PPP6C: variants seen among roughly 807,000 people sequenced by gnomAD.
The protein encoded by PPP6C is protein phosphatase 6 catalytic subunit, also known as serine/threonine-protein phosphatase 6 catalytic subunit.
In PPP6C, 11 loss-of-function variants were observed where a neutral mutation model predicts 39.8. The observed-to-expected ratio is 0.28, with a 90% CI of 0.17 to 0.46. The LOEUF (loss-of-function observed/expected upper bound fraction) is 0.46. PPP6C is among the 20% of genes least tolerant of loss of function. The pLI is 1.00. For missense variants in PPP6C, 211 were observed against 373.9 expected, an observed-to-expected ratio of 0.56 and a Z score of 3.59; for synonymous variants, 129 against 130.3, an observed-to-expected ratio of 0.99 and a Z score of 0.07.
In PPP6C at chr9:125,146,860, A is replaced by G. The variant is rs908747873; in HGVS notation, c.*2813T>C. On this transcript the variant is annotated 3_prime_UTR_variant, in exon 7 of 7. Transcript: ENST00000373547. ...AAAGTGATTCTATTTCTGACAATGA[A>G]AGAGGCTCAGAAAGAGTCCTAATTT... 2.0e-5 allele frequency: 3 copies of G among 152,226 alleles called. No homozygotes were observed. Among genetic ancestry groups the G allele is most frequent in the Non-Finnish European group, 4.4e-5 (3 of 68,034 alleles). 9.4% of individuals were successfully genotyped at this position (152,226 alleles called of 1,614,324 possible).
At chr9:125,158,216 G>A in intron 4 of PPP6C, 25 bp downstream of exon 4, 1 of 1,573,924 alleles carries the variant, frequency 6.4e-7, no homozygotes. Flanking sequence ...ATAATATTCA[G>A]AATCAGAGAA....
chr9:125,158,786 T>C (rs552682296), intron 3 of PPP6C, among the ~76,000 whole-genome samples: 3 of 152,028 alleles, frequency 2.0e-5, no homozygotes, highest in South Asian at 2.1e-4. Context: ...CTCAGACTCC[T>C]GAGTAGCTGG....
intron 2 of PPP6C, among the ~76,000 whole-genome samples, chr9:125,167,835 G>C (rs1484314414): frequency 3.0e-4 from 15 of 50,752 alleles, no homozygotes; most frequent in African/African-American, 7.0e-4. Flanking sequence ...GAGATGGGGG[G>C]GGGGGGGGGG....
chr9:125,189,564 G>T, intron 1 of PPP6C, 80 bp downstream of exon 1: 2 of 1,598,656 alleles, frequency 1.3e-6, no homozygotes, highest in Non-Finnish European at 1.7e-6. Context: ...CTGGATACCC[G>T]GCGGGGGTCC....
chr9:125,159,114 C>T (rs1828787864), intron 3 of PPP6C, among the ~76,000 whole-genome samples: 1 of 149,180 alleles, frequency 6.7e-6, no homozygotes, highest in South Asian at 2.1e-4. Flanking sequence ...TCTTGGCTCA[C>T]TGCAACCTCC....
intron 1 of PPP6C, chr9:125,189,094 G>A (rs1829602660): frequency 1.7e-6 from 1 of 603,238 alleles, no homozygotes; most frequent in Non-Finnish European, 2.9e-6. Flanking sequence ...CAATTTGGAG[G>A]AGTGGCAATG....
In PPP6C at chr9:125,147,409, T is replaced by C. The variant is rs1835836477; in HGVS notation, c.*2264A>G. 2 of 152,134 alleles carry C rather than the reference T, an allele frequency of 1.3e-5. No homozygotes were observed. The highest frequency in any genetic ancestry group is 4.8e-5 in the African/African-American group (2 of 41,554). 9.4% of individuals were successfully genotyped at this position (152,134 alleles called of 1,614,324 possible). ...TATCTTCCACCACATGATAACTCTA[T>C]ATAGTACATATAGTACATAGCCCTT... On this transcript the variant is annotated 3_prime_UTR_variant, in exon 7 of 7. Transcript: ENST00000373547.
At chr9:125,151,731 T>C (rs1246632964) in intron 6 of PPP6C, 5 of 392,156 alleles carry the variant, frequency 1.3e-5, no homozygotes, top group African/African-American at 4.1e-5. Flanking sequence ...TATCTGAGCT[T>C]ATCCGAAATG....
In PPP6C at chr9:125,147,646, G is replaced by C. The variant is rs1324057572; in HGVS notation, c.*2027C>G. 6.6e-6 allele frequency: 1 copy of C among 152,094 alleles called. No homozygotes were observed. Among genetic ancestry groups the C allele is most frequent in the African/African-American group, 2.4e-5 (1 of 41,418 alleles). 9.4% of individuals were successfully genotyped at this position (152,094 alleles called of 1,614,324 possible). A position where few individuals can be genotyped will look rare whatever the true frequency, so the allele number is the denominator to read the frequency against. On this transcript the variant is annotated 3_prime_UTR_variant, in exon 7 of 7. Transcript: ENST00000373547. ...GCCCAACTAGTGACAAACAAATGCA[G>C]TACACAATGACTTAAAAATAAAAGT...
rs1168730026 is a variant in PPP6C, at chr9:125,186,938, C to CTTTTTTTTTTT, written c.75+2695_75+2705dup. Among the ~76,000 whole-genome samples the CTTTTTTTTTTT allele has an allele frequency of 3.0e-4, 25 of 83,668 alleles. 1 individual carries two copies. Among genetic ancestry groups the CTTTTTTTTTTT allele is most frequent in the African/African-American group, 1.0e-3 (20 of 19,826 alleles). The allele number at this position is 83,668 out of a possible 152,430, so 54.9% of individuals were successfully genotyped here. Reference sequence around the variant, plus strand: ...AAAGAAGTCCAACAGATTTTTCTTTCTTTTTTTTTTTTTTTTTTTTTTTGG... The same window carrying CTTTTTTTTTTT: ...AAAGAAGTCCAACAGATTTTTCTTTCTTTTTTTTTTTTTTTTTTTTTTTTTTTTTTTTTTGG... On this transcript the variant is annotated intron_variant, in intron 1 of 6. Coordinates refer to ENST00000373547, the MANE Select transcript of PPP6C (RefSeq NM_002721.5).
intron 2 of PPP6C, among the ~76,000 whole-genome samples, chr9:125,169,405 G>A (rs1588286515): frequency 1.3e-5 from 2 of 152,284 alleles, no homozygotes; most frequent in Admixed American, 6.5e-5. Flanking sequence ...TTAGTAGTTC[G>A]AGGTTGGTCT....
chr9:125,153,830 G>A, intron 5 of PPP6C, 76 bp downstream of exon 5: 1 of 1,526,176 alleles, frequency 6.6e-7, no homozygotes. Context: ...CAATATAATT[G>A]AGATGACAAC....
chr9:125,165,016 C>A (rs1217154056), intron 2 of PPP6C, among the ~76,000 whole-genome samples: 1 of 151,812 alleles, frequency 6.6e-6, no homozygotes, highest in African/African-American at 2.4e-5. Flanking sequence ...GGATTACAGG[C>A]GTGAGCCACC....
At chr9:125,162,084 G>C (rs1828888130) in intron 2 of PPP6C, among the ~76,000 whole-genome samples, 1 of 147,882 alleles carries the variant, frequency 6.8e-6, no homozygotes, top group South Asian at 2.2e-4. Flanking sequence ...AGTCTAAAAA[G>C]TCAGACAAAA....
chr9:125,170,391 C>A (rs541938565), intron 2 of PPP6C, among the ~76,000 whole-genome samples: 1 of 152,008 alleles, frequency 6.6e-6, no homozygotes, highest in Non-Finnish European at 1.5e-5. Context: ...CACGCACCAC[C>A]ATGCCCAGCT....
chr9:125,184,096 AT>A (rs80282176), intron 1 of PPP6C, among the ~76,000 whole-genome samples: 2 of 151,110 alleles, frequency 1.3e-5, no homozygotes, highest in African/African-American at 2.4e-5. Flanking sequence ...CCTTAAAAAA[AT>A]TTTTTTTTTG....
Position 125,162,581 on chromosome 9 carries a change from G to C in PPP6C, c.172-1675C>G, listed in dbSNP as rs186997993. On this transcript the variant is annotated intron_variant, in intron 2 of 6. Coordinates refer to ENST00000373547, the MANE Select transcript of PPP6C (RefSeq NM_002721.5). ...GAGGTCAGGAGATCAAGACCAGACT[G>C]GCCAACATGGTGAAACCCTGTCTCT... Among the ~76,000 whole-genome samples the C allele has an allele frequency of 2.8e-3, 420 of 151,786 alleles. 3 individuals carry two copies. Among genetic ancestry groups the C allele is most frequent in the Middle Eastern group, 0.021 (6 of 290 alleles).
chr9:125,175,987 C>G (rs891725650), intron 1 of PPP6C, among the ~76,000 whole-genome samples: 1 of 152,064 alleles, frequency 6.6e-6, no homozygotes, highest in African/African-American at 2.4e-5. Flanking sequence ...ATAGAGCAAA[C>G]AGACACACTA....
chr9:125,188,552 G>A (rs900320048), intron 1 of PPP6C, among the ~76,000 whole-genome samples: 1 of 152,084 alleles, frequency 6.6e-6, no homozygotes, highest in Non-Finnish European at 1.5e-5. Flanking sequence ...TTGGTAGGCC[G>A]AAGCGGGCGG....
Sources: gnomAD v4.1 joint callset for allele counts (sites outside exome capture counted in the v4.1 genomes callset) on GRCh38, gnomAD v4.1.1 for gene constraint, MANE v1.5 for transcripts, NCBI Gene and HGNC (gene_info 2026-07-23, HGNC 2026-07-21) for gene names.